The following TYW1B variants were observed in gnomAD, a reference collection of about 807,000 sequenced individuals.
TYW1B encodes tRNA-yW synthesizing protein 1 homolog B.
Under a neutral mutation model 86.9 loss-of-function variants are expected in TYW1B, and 73 were observed. The ratio of observed to expected loss-of-function variants is 0.84; its 90% CI spans 0.70 to 1.02. The LOEUF (loss-of-function observed/expected upper bound fraction) is 1.02, where lower values mean the gene tolerates loss of function less well. Ranked by LOEUF, TYW1B falls within the 50% of genes least tolerant of loss-of-function variation. The pLI is 0.00. For missense variants in TYW1B, 637 were observed against 827.4 expected (o/e 0.77, Z 2.82); for synonymous variants, 248 against 292.8 (o/e 0.85, Z 1.56).
At chr7:72,689,309 C>A (rs1376650281) in intron 11 of TYW1B, among the ~76,000 whole-genome samples, 2 of 152,254 alleles carry the variant, frequency 1.3e-5, no homozygotes, top group South Asian at 2.1e-4. Flanking sequence ...AAAGGCCATG[C>A]CATGATTTAA....
At chr7:72,596,663 A>G (rs1217263859) in intron 13 of TYW1B, among the ~76,000 whole-genome samples, 1 of 152,212 alleles carries the variant, frequency 6.6e-6, no homozygotes, top group African/African-American at 2.4e-5. Flanking sequence ...CATAAGACTT[A>G]AAATTATAAG....
chr7:72,676,200 C>A (rs190017848), intron 11 of TYW1B, among the ~76,000 whole-genome samples: 1,523 of 152,202 alleles, frequency 0.01, 28 homozygotes, highest in Non-Finnish European at 0.011. Context: ...TAAAAATATA[C>A]CATGAAGCCA....
intron 3 of TYW1B, among the ~76,000 whole-genome samples, chr7:72,814,441 G>A (rs1320192265): frequency 2.8e-4 from 43 of 152,102 alleles, no homozygotes; most frequent in African/African-American, 8.2e-4. Flanking sequence ...AAAATTAGCC[G>A]GGCGTGGTGG....
intron 11 of TYW1B, among the ~76,000 whole-genome samples, chr7:72,689,198 TAAG>T (rs1266436095): frequency 6.6e-6 from 1 of 151,988 alleles, no homozygotes; most frequent in Non-Finnish European, 1.5e-5. Flanking sequence ...AATAGGTCAA[TAAG>T]AAGGGAAACT....
intron 11 of TYW1B, among the ~76,000 whole-genome samples, chr7:72,667,509 T>C (rs35315697): frequency 6.6e-6 from 1 of 151,894 alleles, no homozygotes; most frequent in African/African-American, 2.4e-5. Context: ...CAGCTCAGAG[T>C]TCTAGAAGAG....
At chr7:72,615,606 A>G (rs1397849279) in intron 13 of TYW1B, among the ~76,000 whole-genome samples, 1 of 152,218 alleles carries the variant, frequency 6.6e-6, no homozygotes, top group Non-Finnish European at 1.5e-5. Flanking sequence ...GAAATGACAG[A>G]CAACAAACAC....
At chr7:72,618,375 C>T (rs1812131819) in intron 12 of TYW1B, among the ~76,000 whole-genome samples, 1 of 151,924 alleles carries the variant, frequency 6.6e-6, no homozygotes, top group Non-Finnish European at 1.5e-5. Flanking sequence ...TGCCACCATG[C>T]CCAGCTAATT....
chr7:72,709,833 T>C (rs11766595), intron 10 of TYW1B, among the ~76,000 whole-genome samples: 3,977 of 152,302 alleles, frequency 0.026, 73 homozygotes, highest in Non-Finnish European at 0.039. Context: ...ACCTTACTTC[T>C]TCCTTTTTGT....
At chr7:72,680,065 G>A (rs1292889720) in intron 11 of TYW1B, among the ~76,000 whole-genome samples, 1 of 152,228 alleles carries the variant, frequency 6.6e-6, no homozygotes, top group Non-Finnish European at 1.5e-5. Flanking sequence ...GGAGTTCAAG[G>A]CTGTGGTGAG....
chr7:72,608,903 G>A (rs1232889493), intron 13 of TYW1B, among the ~76,000 whole-genome samples: 1 of 152,096 alleles, frequency 6.6e-6, no homozygotes, highest in African/African-American at 2.4e-5. Flanking sequence ...TTCTATCTGG[G>A]TCGTGGTGAT....
Position 72,673,818 on chromosome 7 carries a change from G to A in TYW1B, c.1506+20869C>T, listed in dbSNP as rs147874341. Among the ~76,000 whole-genome samples the A allele has an allele frequency of 7.6e-3, 1,153 of 152,064 alleles. 19 individuals carry two copies. Among genetic ancestry groups the A allele is most frequent in the African/African-American group, 0.024 (999 of 41,424 alleles). ...GGATAGATACCACATTTTCTATCAC[G>A]TAATTATTACATATTATATGCCTGT... On this transcript the variant is annotated intron_variant, in intron 11 of 13. Transcript: ENST00000620995.
chr7:72,587,088 C>A (rs1416310346), intron 13 of TYW1B, among the ~76,000 whole-genome samples: 1 of 152,308 alleles, frequency 6.6e-6, no homozygotes, highest in South Asian at 2.1e-4. Flanking sequence ...ATCATACTTA[C>A]AAGCCACAGA....
intron 7 of TYW1B, among the ~76,000 whole-genome samples, chr7:72,757,701 G>C (rs1256594731): frequency 3.3e-5 from 5 of 152,166 alleles, no homozygotes; most frequent in African/African-American, 1.2e-4. Flanking sequence ...AGCTGGGGAA[G>C]GGCATGAAGA....
chr7:72,606,734 C>T (rs781807277), intron 13 of TYW1B, among the ~76,000 whole-genome samples: 1 of 151,536 alleles, frequency 6.6e-6, no homozygotes, highest in Non-Finnish European at 1.5e-5. Context: ...TCTGCCTCTA[C>T]TTGGCAGTAA....
At chr7:72,592,160 TAAAAAAAAAAA>T (rs56146824) in intron 13 of TYW1B, among the ~76,000 whole-genome samples, 37 of 103,378 alleles carry the variant, frequency 3.6e-4, no homozygotes, top group South Asian at 1.2e-3. Flanking sequence ...ACTAATGTGT[TAAAAAAAAAAA>T]AAAAAAAAAA....
At chr7:72,647,711 G>C (rs1554442214) in intron 11 of TYW1B, among the ~76,000 whole-genome samples, 1 of 151,390 alleles carries the variant, frequency 6.6e-6, no homozygotes, top group Admixed American at 6.6e-5. Context: ...TTTTGAGACA[G>C]TTTTGCTCTG....
intron 7 of TYW1B, among the ~76,000 whole-genome samples, chr7:72,773,288 C>A (rs1554469981): frequency 6.6e-6 from 1 of 152,086 alleles, no homozygotes; most frequent in Non-Finnish European, 1.5e-5. Flanking sequence ...CTGCTTCTAG[C>A]CAAGATGGAG....
intron 11 of TYW1B, among the ~76,000 whole-genome samples, chr7:72,667,132 C>T (rs1440143623): frequency 3.3e-5 from 5 of 149,484 alleles, no homozygotes; most frequent in African/African-American, 2.5e-5. Flanking sequence ...CTGCTAACAA[C>T]TGAAAACAAA....
intron 7 of TYW1B, among the ~76,000 whole-genome samples, chr7:72,768,615 G>A (rs1298960586): frequency 4.6e-5 from 7 of 151,950 alleles, no homozygotes; most frequent in East Asian, 1.9e-4. Context: ...GTGAAACCCC[G>A]TCTCTACTAA....
Sources: gnomAD v4.1 joint callset for allele counts (sites outside exome capture counted in the v4.1 genomes callset) on GRCh38, gnomAD v4.1.1 for gene constraint, MANE v1.5 for transcripts, NCBI Gene and HGNC (gene_info 2026-07-23, HGNC 2026-07-21) for gene names.